The following IMMP2L variants were observed in gnomAD, a reference collection of about 807,000 sequenced individuals.
IMMP2L encodes inner mitochondrial membrane peptidase subunit 2, also known as mitochondrial inner membrane protease subunit 2.
A neutral mutation model predicts 19.3 loss-of-function variants in IMMP2L; 18 were observed. That is an observed-to-expected ratio of 0.93 (90% CI 0.64 to 1.38). The LOEUF (loss-of-function observed/expected upper bound fraction) is 1.38. Among genes scored for constraint, IMMP2L ranks in the 40% most tolerant of loss-of-function variants. IMMP2L has a pLI of 0.00. For synonymous variants in IMMP2L, 76 were observed against 73.0 expected (o/e 1.04, Z -0.21); for missense variants, 233 against 218.2 (o/e 1.07, Z -0.43).
chr7:111,212,397 C>A (rs1811426482), intron 3 of IMMP2L, among the ~76,000 whole-genome samples: 1 of 152,188 alleles, frequency 6.6e-6, no homozygotes, highest in East Asian at 1.9e-4. Context: ...TTGCTAGAGT[C>A]CAGGAGTTCA....
chr7:111,187,792 C>A (rs919098575), intron 3 of IMMP2L, among the ~76,000 whole-genome samples: 2 of 152,078 alleles, frequency 1.3e-5, no homozygotes, highest in Non-Finnish European at 2.9e-5. Flanking sequence ...AGCACAGAGA[C>A]CTTGAATCAC....
At chr7:110,948,352 A>G (rs1239011152) in intron 4 of IMMP2L, among the ~76,000 whole-genome samples, 3 of 152,222 alleles carry the variant, frequency 2.0e-5, no homozygotes, top group Admixed American at 2.0e-4. Flanking sequence ...GTTAGATAAT[A>G]TTTGAATATT....
chr7:111,473,352 T>G (rs903601636), intron 3 of IMMP2L, among the ~76,000 whole-genome samples: 1 of 152,120 alleles, frequency 6.6e-6, no homozygotes, highest in Non-Finnish European at 1.5e-5. Context: ...GACTCCTATG[T>G]GGCAGCCTCC....
chr7:111,201,166 A>G (rs1210393746), intron 3 of IMMP2L, among the ~76,000 whole-genome samples: 2 of 152,120 alleles, frequency 1.3e-5, no homozygotes, highest in African/African-American at 4.8e-5. Flanking sequence ...GTCTGAAGAC[A>G]TCTTTTAAAC....
At chr7:111,436,227 A>C (rs1837153388) in intron 3 of IMMP2L, among the ~76,000 whole-genome samples, 1 of 151,810 alleles carries the variant, frequency 6.6e-6, no homozygotes, top group African/African-American at 2.4e-5. Context: ...TAAAGGATTT[A>C]TTACATAAAT....
At chr7:111,368,476 G>A (rs550979578) in intron 3 of IMMP2L, among the ~76,000 whole-genome samples, 2 of 151,988 alleles carry the variant, frequency 1.3e-5, no homozygotes, top group South Asian at 2.1e-4. Flanking sequence ...CCAAAGACGT[G>A]GTTAGAGTTT....
intron 5 of IMMP2L, among the ~76,000 whole-genome samples, chr7:110,746,926 G>A (rs1258067853): frequency 6.6e-6 from 1 of 152,046 alleles, no homozygotes; most frequent in African/African-American, 2.4e-5. Flanking sequence ...AGGAGACAGA[G>A]ACACAAAAAA....
chr7:110,988,819 T>C (rs1191513063), intron 3 of IMMP2L, among the ~76,000 whole-genome samples: 1 of 152,150 alleles, frequency 6.6e-6, no homozygotes, highest in Non-Finnish European at 1.5e-5. Context: ...TAATATCTGA[T>C]AATTTGGAAG....
At chr7:111,207,037 T>C (rs564252111) in intron 3 of IMMP2L, among the ~76,000 whole-genome samples, 51 of 152,242 alleles carry the variant, frequency 3.3e-4, no homozygotes, top group Non-Finnish European at 6.0e-4. Flanking sequence ...TAAGGAAATT[T>C]ATTCAATGAT....
chr7:111,498,528 A>T (rs939946391), intron 2 of IMMP2L, among the ~76,000 whole-genome samples: 44 of 145,610 alleles, frequency 3.0e-4, no homozygotes, highest in East Asian at 2.4e-3. Context: ...TAACCTAATT[A>T]AAAAAAAAAA....
At chr7:111,420,582 G>A (rs972217671) in intron 3 of IMMP2L, among the ~76,000 whole-genome samples, 43 of 15,130 alleles carry the variant, frequency 2.8e-3, no homozygotes, top group African/African-American at 0.011. Context: ...ATAGTCCCCC[G>A]TGTGTGATGT....
At chr7:110,943,215 CT>C (rs1471416447) in intron 4 of IMMP2L, among the ~76,000 whole-genome samples, 1 of 151,932 alleles carries the variant, frequency 6.6e-6, no homozygotes, top group Non-Finnish European at 1.5e-5. Flanking sequence ...TTTTTAGGCC[CT>C]TTTGACAGTC....
intron 5 of IMMP2L, among the ~76,000 whole-genome samples, chr7:110,670,193 A>G (rs1791793944): frequency 6.6e-6 from 1 of 152,196 alleles, no homozygotes; most frequent in South Asian, 2.1e-4. Context: ...GTGCACACAG[A>G]GAAGTTCATG....
intron 5 of IMMP2L, among the ~76,000 whole-genome samples, chr7:110,742,212 A>G (rs1008597324): frequency 1.3e-5 from 2 of 152,206 alleles, no homozygotes; most frequent in Non-Finnish European, 2.9e-5. Context: ...TTTGCTTCAA[A>G]TGGTAACTTT....
At chr7:111,309,701 A>G (rs1347672411) in intron 3 of IMMP2L, among the ~76,000 whole-genome samples, 1 of 152,124 alleles carries the variant, frequency 6.6e-6, no homozygotes, top group Non-Finnish European at 1.5e-5. Flanking sequence ...TTTATTAAGA[A>G]TGCAGACAAC....
chr7:111,404,244 G>C (rs1185465652), intron 3 of IMMP2L, among the ~76,000 whole-genome samples: 2 of 152,040 alleles, frequency 1.3e-5, no homozygotes, highest in Admixed American at 6.6e-5. Context: ...AATTAAAAAT[G>C]GTCACCACAA....
At chr7:111,144,039 T>C (rs2129599654) in intron 3 of IMMP2L, among the ~76,000 whole-genome samples, 1 of 152,268 alleles carries the variant, frequency 6.6e-6, no homozygotes, top group African/African-American at 2.4e-5. Flanking sequence ...AAAATGATTG[T>C]TTCTGGACTA....
rs1015501652 is a variant in IMMP2L, at chr7:110,758,649, C to G, written c.409-94928G>C. Among the ~76,000 whole-genome samples the G allele has an allele frequency of 6.6e-6, 1 of 152,074 alleles. No individual in the cohort carries two copies. The highest frequency in any genetic ancestry group is 2.4e-5 in the African/African-American group (1 of 41,424). ...CTTCCTACAGTACAATCTTCCAATA[C>G]TTTGTGAGCAGTTAGGACGTTAGTA... On this transcript the variant is annotated intron_variant, in intron 5 of 5. Transcript: ENST00000405709. The surrounding 1 kb of genome is among the most constrained non-coding windows in gnomAD (Gnocchi z 4.6).
rs571535804 is a variant in IMMP2L at position 111,402,647 on chromosome 7, A to C, written c.239+84591T>G. Among the ~76,000 whole-genome samples the C allele has an allele frequency of 1.1e-4, 16 of 152,160 alleles. 1 individual carries two copies. Among genetic ancestry groups the C allele is most frequent in the Admixed American group, 2.0e-4 (3 of 15,278 alleles). ...AATTACTTGAATTACCAGGAGGCAG[A>C]GGTTACAGTGAGCCAAGATCGCACC... On this transcript the variant is annotated intron_variant, in intron 3 of 5. Transcript: ENST00000405709.
Sources: allele counts gnomAD v4.1 joint callset (sites outside exome capture counted in the v4.1 genomes callset), GRCh38; gene constraint gnomAD v4.1.1; non-coding constraint Gnocchi (gnomAD v3.1); transcripts MANE v1.5; gene names NCBI Gene and HGNC (gene_info 2026-07-23, HGNC 2026-07-21).